SAP130: variants seen among roughly 807,000 people sequenced by gnomAD.
The protein encoded by SAP130 is histone deacetylase complex subunit SAP130.
Under a neutral mutation model 103.2 loss-of-function variants are expected in SAP130, and 16 were observed. That is an observed-to-expected ratio of 0.16 (90% confidence interval 0.10 to 0.24). The LOEUF (loss-of-function observed/expected upper bound fraction) is 0.24, where lower values mean the gene tolerates loss of function less well. SAP130 is among the 10% of genes least tolerant of loss of function. The pLI is 1.00. For missense variants in SAP130, 990 were observed against 1,359.7 expected (o/e 0.73, Z 4.28); for synonymous variants, 477 against 497.0 (o/e 0.96, Z 0.53).
chr2:127,972,621 G>C lies in SAP130; in HGVS notation c.2063+5364C>G, dbSNP rs375290957. On this transcript the variant is annotated intron_variant, in intron 15 of 20. Coordinates refer to ENST00000643581, the MANE Select transcript of SAP130 (RefSeq NM_001330301.2). The stretch of plus-strand genomic sequence containing the variant: ...AAAAACACAAAAATTAGCCAGGTGT[G>C]ATGGTGGGTGCCTTTAATCCCAGTT... Among the ~76,000 whole-genome samples the C allele has an allele frequency of 3.3e-4, 51 of 152,262 alleles. 1 individual carries two copies. In the South Asian group the frequency reaches 6.4e-3, roughly 19 times the overall value.
chr2:127,996,513 T>C lies in SAP130; in HGVS notation c.1214-22A>G. On this transcript the variant is annotated intron_variant, in intron 10 of 20. Coordinates refer to ENST00000643581, the MANE Select transcript of SAP130 (RefSeq NM_001330301.2). This position sits in a 1 kb window ranked among gnomAD's most constrained non-coding sequence, Gnocchi z 4.3. ...TTGGCTGCAAACAGTAAATGCCAATTCCATGACCATTCTACACTTTTTTTT... is the reference window on the plus strand; with the variant it reads ...TTGGCTGCAAACAGTAAATGCCAATCCCATGACCATTCTACACTTTTTTTT... 6.7e-7 allele frequency: 1 copy of C among 1,498,668 alleles called. No individual in the cohort carries two copies. The highest frequency in any genetic ancestry group is 9.0e-7 in the Non-Finnish European group (1 of 1,114,238). The allele number at this position is 1,498,668 out of a possible 1,614,324, so 92.8% of individuals were successfully genotyped here.
intron 1 of SAP130, among the ~76,000 whole-genome samples, chr2:128,027,618 GCCGGCCGCCCGCCCGC>G (rs1558713354): frequency 2.7e-5 from 4 of 147,310 alleles, no homozygotes; most frequent in African/African-American, 7.5e-5. Flanking sequence ...AACTCCCTGG[GCCGGCCGCCCGCCCGC>G]CCGCCCGCCC....
intron 7 of SAP130, among the ~76,000 whole-genome samples, chr2:128,005,440 A>AC (rs1272795039): frequency 6.6e-6 from 1 of 151,836 alleles, no homozygotes; most frequent in Non-Finnish European, 1.5e-5. Context: ...AACATGGCAA[A>AC]CCCCCATCTA....
chr2:128,004,465 C>A (rs369275488), intron 7 of SAP130, among the ~76,000 whole-genome samples: 1 of 150,316 alleles, frequency 6.7e-6, no homozygotes, highest in Non-Finnish European at 1.5e-5. Context: ...GCCTCAGCCT[C>A]CCAAAGTGTA....
At chr2:127,963,306 T>A (rs1436937251) in intron 15 of SAP130, among the ~76,000 whole-genome samples, 1 of 152,194 alleles carries the variant, frequency 6.6e-6, no homozygotes, top group Non-Finnish European at 1.5e-5. Flanking sequence ...GCTGGCTCAC[T>A]GTAGCCTCGA....
Position 127,949,907 on chromosome 2 carries a change from T to C in SAP130, c.2759A>G (p.Tyr920Cys). The change falls in exon 18 of 21, where the codon TAC becomes TGC. Residue 920 changes from tyrosine to cysteine, a missense_variant. Coordinates refer to ENST00000643581, the MANE Select transcript of SAP130 (RefSeq NM_001330301.2). Reference sequence around the variant, plus strand: ...GTCACTGTACCTCTGAAAGTGGTGGTAAGCAGCTTTCCAGGGGTTCCGATA... The same window carrying C: ...GTCACTGTACCTCTGAAAGTGGTGGCAAGCAGCTTTCCAGGGGTTCCGATA... Reference protein sequence around the residue: ...RHYRNPWKAAYHHFQRYSDVR... With the variant: ...RHYRNPWKAACHHFQRYSDVR... The C allele has an allele frequency of 6.2e-7, 1 of 1,614,200 alleles. No individual in the cohort carries two copies. Among genetic ancestry groups the C allele is most frequent in the Non-Finnish European group, 8.5e-7 (1 of 1,180,012 alleles).
intron 2 of SAP130, among the ~76,000 whole-genome samples, chr2:128,024,561 A>T (rs925660602): frequency 6.6e-6 from 1 of 151,886 alleles, no homozygotes; most frequent in African/African-American, 2.4e-5. Flanking sequence ...AAAAAAATTT[A>T]AAATTAGCTG....
intron 13 of SAP130, among the ~76,000 whole-genome samples, chr2:127,987,614 C>T (rs1682492538): frequency 6.6e-6 from 1 of 152,024 alleles, no homozygotes; most frequent in African/African-American, 2.4e-5. Flanking sequence ...TGATATAATT[C>T]TTACCATCAT....
At chr2:127,972,083 A>G (rs2104880838) in intron 15 of SAP130, among the ~76,000 whole-genome samples, 1 of 152,256 alleles carries the variant, frequency 6.6e-6, no homozygotes, top group Non-Finnish European at 1.5e-5. Context: ...TTCAGGTGCC[A>G]CAGATTGACT....
intron 6 of SAP130, among the ~76,000 whole-genome samples, chr2:128,010,870 TAGAAA>T (rs1324710895): frequency 3.3e-5 from 1 of 30,606 alleles, no homozygotes; most frequent in Non-Finnish European, 7.3e-5. Flanking sequence ...CTTGAAAAAA[TAGAAA>T]AGAAAAAAAA....
At chr2:128,023,813 C>T (rs1685312589) in intron 2 of SAP130, among the ~76,000 whole-genome samples, 2 of 151,904 alleles carry the variant, frequency 1.3e-5, no homozygotes, top group South Asian at 4.2e-4. Context: ...TATTGAATTA[C>T]TTAGGAACTT....
chr2:127,963,909 C>T (rs1452821648), intron 15 of SAP130, among the ~76,000 whole-genome samples: 1 of 152,130 alleles, frequency 6.6e-6, no homozygotes, highest in African/African-American at 2.4e-5. Context: ...CATAGAACTA[C>T]GTAAGTTCAA....
At chr2:127,943,659 G>A (rs1202074759) in intron 19 of SAP130, among the ~76,000 whole-genome samples, 1 of 152,100 alleles carries the variant, frequency 6.6e-6, no homozygotes, top group Non-Finnish European at 1.5e-5. Flanking sequence ...GCAAAAATAC[G>A]GCATGACAGA....
At chr2:128,014,778 T>C (rs1684656456) in intron 5 of SAP130, 25 bp downstream of exon 5, 1 of 1,520,368 alleles carries the variant, frequency 6.6e-7, no homozygotes, top group South Asian at 1.1e-5. Flanking sequence ...TTTTGAGAGT[T>C]TGAACAAAAC....
intron 2 of SAP130, among the ~76,000 whole-genome samples, chr2:128,024,452 A>G (rs1338017749): frequency 1.3e-5 from 2 of 152,176 alleles, no homozygotes; most frequent in East Asian, 3.8e-4. Flanking sequence ...AGTGACTCAC[A>G]CCTGTGATCC....
chr2:127,977,830 T>C (rs1681578239), intron 15 of SAP130, among the ~76,000 whole-genome samples, 155 bp downstream of exon 15: 1 of 151,254 alleles, frequency 6.6e-6, no homozygotes. Context: ...TGTCGTGTGT[T>C]ACAATTTTCT....
At position 127,986,530 on chromosome 2, in the gene SAP130, G is replaced by C. The variant is rs1682404791; in HGVS notation, c.1958+255C>G. On this transcript the variant is annotated intron_variant, in intron 14 of 20. Transcript: ENST00000643581. This position sits in a 1 kb window ranked among gnomAD's most constrained non-coding sequence, Gnocchi z 4.7. Reference sequence around the variant, plus strand: ...CTATGATTGAAGTTCCAGAACTAGAGAGAATTAAAGCAGTATGCAACAGAT... The same window carrying C: ...CTATGATTGAAGTTCCAGAACTAGACAGAATTAAAGCAGTATGCAACAGAT... Among the ~76,000 whole-genome samples, 4 of 152,232 alleles carry C rather than the reference G, an allele frequency of 2.6e-5. No homozygotes were observed. The highest frequency in any genetic ancestry group is 2.1e-4 in the South Asian group (1 of 4,836).
chr2:128,010,950 T>C (rs1255263649), intron 6 of SAP130, among the ~76,000 whole-genome samples: 1 of 130,814 alleles, frequency 7.6e-6, no homozygotes, highest in Non-Finnish European at 1.6e-5. Context: ...ACAAGTGTTT[T>C]GAAAAAAAAA....
intron 1 of SAP130, chr2:128,026,998 G>A (rs1685547591): frequency 8.4e-7 from 1 of 1,193,588 alleles, no homozygotes; most frequent in Middle Eastern, 2.3e-4. Context: ...CCGGTTTCCA[G>A]ACACCTCGGA....
Sources: gnomAD v4.1 joint callset for allele counts (sites outside exome capture counted in the v4.1 genomes callset) on GRCh38, gnomAD v4.1.1 for gene constraint, Gnocchi (gnomAD v3.1) non-coding constraint, MANE v1.5 for transcripts, NCBI Gene and HGNC (gene_info 2026-07-23, HGNC 2026-07-21) for gene names.